RIF1: variants seen among roughly 807,000 people sequenced by gnomAD.
The protein encoded by RIF1 is replication timing regulatory factor 1.
A neutral mutation model predicts 247.1 loss-of-function variants in RIF1; 45 were observed. That is an observed-to-expected ratio of 0.18 (90% CI 0.14 to 0.23). The LOEUF (loss-of-function observed/expected upper bound fraction) is 0.23, where lower values mean the gene tolerates loss of function less well. Ranked by LOEUF, RIF1 falls within the 10% of genes least tolerant of loss-of-function variation. RIF1 has a pLI of 1.00. For synonymous variants in RIF1, 1,087 were observed against 978.8 expected (o/e 1.11, Z -2.06); for missense variants, 2,967 against 2,862.5 (o/e 1.04, Z -0.83).
At chr2:151,416,233 T>C (rs1340312635) in intron 4 of RIF1, among the ~76,000 whole-genome samples, 1 of 152,224 alleles carries the variant, frequency 6.6e-6, no homozygotes, top group Non-Finnish European at 1.5e-5. Context: ...GCAGGAGTTG[T>C]TCATTTTGGA....
chr2:151,444,650 T>C (rs1692940096), intron 18 of RIF1, among the ~76,000 whole-genome samples: 1 of 152,228 alleles, frequency 6.6e-6, no homozygotes, highest in African/African-American at 2.4e-5. Flanking sequence ...GCTAGCACAC[T>C]ATTCTTCTGG....
chr2:151,413,920 TG>T (rs1186944913), intron 3 of RIF1, among the ~76,000 whole-genome samples: 1 of 152,146 alleles, frequency 6.6e-6, no homozygotes, highest in African/African-American at 2.4e-5. Flanking sequence ...ACAAGGGAAA[TG>T]GGGTACAGGG....
chr2:151,524,595 T>C, the RIF1 span: 1 of 1,613,260 alleles, frequency 6.2e-7, no homozygotes, highest in Non-Finnish European at 8.5e-7. Context: ...AGGTTCTCTT[T>C]GGCATCTTTT....
At chr2:151,441,275 A>C (rs1692254298) in intron 15 of RIF1, among the ~76,000 whole-genome samples, 1 of 152,192 alleles carries the variant, frequency 6.6e-6, no homozygotes, top group Admixed American at 6.5e-5. Context: ...TGGTAGGCTC[A>C]GTCAGTTTGA....
At chr2:151,509,912 GTT>G (rs1250904830), downstream of RIF1, among the ~76,000 whole-genome samples, 9 of 152,108 alleles carry the variant, frequency 5.9e-5, no homozygotes, top group Non-Finnish European at 1.3e-4. Context: ...CCGACCAAGA[GTT>G]TTTATTTCTG....
Position 151,468,091 on chromosome 2 carries a change from C to G in RIF1, c.6692C>G (p.Ser2231Cys), listed in dbSNP as rs776302867. 1 of 1,613,292 alleles carries G rather than the reference C, an allele frequency of 6.2e-7. No homozygotes were observed. Among genetic ancestry groups the G allele is most frequent in the Admixed American group, 1.7e-5 (1 of 59,998 alleles). ...TGCTCTATTGTTAGGTCCCATTCTT[C>G]CAATAGTTCTCCCATAGGAAAAAGT... is the stretch of plus-strand genomic sequence containing the variant. The part of the protein sequence containing the change: ...RRCSIVRSHS[S>C]NSSPIGKSVK... The change falls in exon 31 of 36, where the codon TCC becomes TGC. Residue 2231 changes from serine (S) to cysteine (C), a missense_variant. Physicochemically the swap from Ser to Cys is moderately radical, Grantham distance 112 (BLOSUM62 -1). This residue lies in a region of RIF1 where 2,028 missense variants were observed against 1,825.6 expected (regional missense o/e 1.11). Transcript: ENST00000444746.
At chr2:151,438,118 A>T (rs769208955) in intron 13 of RIF1, among the ~76,000 whole-genome samples, 3 of 152,234 alleles carry the variant, frequency 2.0e-5, no homozygotes, top group Non-Finnish European at 2.9e-5. Flanking sequence ...AAGATAATTT[A>T]AAAAAAGATA....
chr2:151,530,959 G>C, the RIF1 span: 1 of 1,415,350 alleles, frequency 7.1e-7, no homozygotes, highest in Non-Finnish European at 9.9e-7. Flanking sequence ...AGGAGGCCAA[G>C]ATGAGAGGGA....
chr2:151,517,128 A>G, the RIF1 span, among the ~76,000 whole-genome samples: 1 of 152,230 alleles, frequency 6.6e-6, no homozygotes, highest in Non-Finnish European at 1.5e-5. Flanking sequence ...ACTAGTTTAC[A>G]TATTGACTGA....
intron 15 of RIF1, among the ~76,000 whole-genome samples, chr2:151,441,214 G>C (rs1242174014): frequency 6.6e-6 from 1 of 151,976 alleles, no homozygotes; most frequent in Non-Finnish European, 1.5e-5. Flanking sequence ...ATGAGACCCT[G>C]TCTCAAAAAA....
At chr2:151,501,196 C>CTAT (rs2153066909) in intron 11 of RIF1, among the ~76,000 whole-genome samples, 1 of 152,040 alleles carries the variant, frequency 6.6e-6, no homozygotes, top group African/African-American at 2.4e-5. Context: ...TTTTAAGGGA[C>CTAT]TATTATAGAA....
In RIF1 at chr2:151,498,817, A is replaced by G. The variant is rs569875492; in HGVS notation, c.*514-528A>G. Among the ~76,000 whole-genome samples, 14 of 152,286 alleles carry G rather than the reference A, an allele frequency of 9.2e-5. No homozygotes were observed. The East Asian group carries it at 2.5e-3, about 27-fold the overall frequency. On this transcript the variant is annotated intron_variant and NMD_transcript_variant, in intron 10 of 13. Transcript: ENST00000454583. ...GTTCACTTTCAAAAGAAGTCAGAGT[A>G]TTTAATTTTTAGTTTGGGTGAACAC...
the RIF1 span, among the ~76,000 whole-genome samples, chr2:151,523,814 C>A: frequency 6.6e-6 from 1 of 152,094 alleles, no homozygotes; most frequent in Non-Finnish European, 1.5e-5. Context: ...ATGATTTATC[C>A]ATGGACAAGT....
chr2:151,414,817 T>C lies in RIF1; in HGVS notation c.184-6T>C. On this transcript the variant is annotated splice_region_variant and splice_polypyrimidine_tract_variant and intron_variant, in intron 3 of 35. Transcript: ENST00000444746. ...GTTTGTAATAAATGTGATTTTGTTTTTGTAGACTCACATTTCCAGTCAAAA... is the reference window on the plus strand; with the variant it reads ...GTTTGTAATAAATGTGATTTTGTTTCTGTAGACTCACATTTCCAGTCAAAA... 6.9e-6 allele frequency: 11 copies of C among 1,598,896 alleles called. No homozygotes were observed. Among genetic ancestry groups the C allele is most frequent in the Non-Finnish European group, 9.4e-6 (11 of 1,171,588 alleles).
At chr2:151,521,519 C>T in the RIF1 span, among the ~76,000 whole-genome samples, 1 of 152,078 alleles carries the variant, frequency 6.6e-6, no homozygotes, top group Non-Finnish European at 1.5e-5. Flanking sequence ...GAGATGTTCC[C>T]AAGAGTTGTG....
chr2:151,469,812 C>T lies in RIF1; in HGVS notation c.7043C>T (p.Ser2348Phe). ...GAAATAAAAACTCTTCCTATCCGTT[C>T]TCCAAAAGTGTCCAATGTAAAAAAG... ...ASEIKTLPIR[S>F]PKVSNVKKAL... Residue 2348 changes from serine (S) to phenylalanine (F), a missense_variant, in exon 34 of 36, where the codon TCT becomes TTT. By Grantham distance (155) the Ser-to-Phe change is radical (BLOSUM62 -2). Transcript: ENST00000444746. The T allele has an allele frequency of 1.9e-6, 3 of 1,611,516 alleles. No homozygotes were observed. Among genetic ancestry groups the T allele is most frequent in the South Asian group, 2.2e-5 (2 of 90,712 alleles).
chr2:151,424,020 A>ATTT (rs1688592776), intron 8 of RIF1, among the ~76,000 whole-genome samples: 1 of 152,128 alleles, frequency 6.6e-6, no homozygotes, highest in Non-Finnish European at 1.5e-5. Flanking sequence ...CTGTCTCTGA[A>ATTT]TTTGCTTATT....
intron 9 of RIF1, chr2:151,490,139 G>C (rs2055055571): frequency 1.5e-6 from 2 of 1,330,302 alleles, no homozygotes; most frequent in South Asian, 2.7e-5. Context: ...TTTAATCTGT[G>C]TTTAGCAGCT....
At chr2:151,496,295 T>C (rs770245717) in intron 10 of RIF1, 2 of 1,610,684 alleles carry the variant, frequency 1.2e-6, no homozygotes, top group South Asian at 1.1e-5. Context: ...ATTTTCTTGA[T>C]TGTGTTTGAC....
Sources: gnomAD v4.1 joint callset for allele counts (sites outside exome capture counted in the v4.1 genomes callset) on GRCh38, gnomAD v4.1.1 for gene constraint, gnomAD v4.1.1 regional missense constraint, MANE v1.5 for transcripts, NCBI Gene and HGNC (gene_info 2026-07-23, HGNC 2026-07-21) for gene names.